Variants in FAM13A observed in about 807,000 individuals in gnomAD.
FAM13A encodes the protein protein FAM13A.
In FAM13A, 76 loss-of-function variants were observed where a neutral mutation model predicts 129.6. That is an observed-to-expected ratio of 0.59 (90% CI 0.49 to 0.71). The LOEUF (loss-of-function observed/expected upper bound fraction) is 0.71, where lower values mean the gene tolerates loss of function less well. Ranked by LOEUF, FAM13A falls within the 30% of genes least tolerant of loss-of-function variation. The pLI is 0.00. For synonymous variants in FAM13A, 443 were observed against 449.9 expected (o/e 0.98, Z 0.20); for missense variants, 1,108 against 1,249.3 (o/e 0.89, Z 1.70).
intron 6 of FAM13A, among the ~76,000 whole-genome samples, chr4:88,906,037 C>T (rs2150230918): frequency 6.6e-6 from 1 of 152,284 alleles, no homozygotes; most frequent in East Asian, 1.9e-4. Flanking sequence ...CCTGTAATCC[C>T]AGCACTTTGG....
At chr4:89,027,614 C>T (rs1339740685) in intron 2 of FAM13A, among the ~76,000 whole-genome samples, 1 of 151,564 alleles carries the variant, frequency 6.6e-6, no homozygotes, top group Non-Finnish European at 1.5e-5. Flanking sequence ...TTTATTAAGT[C>T]GAGAACTCAC....
At chr4:88,788,259 GA>G (rs1393209271) in intron 9 of FAM13A, among the ~76,000 whole-genome samples, 1 of 152,142 alleles carries the variant, frequency 6.6e-6, no homozygotes, top group East Asian at 1.9e-4. Flanking sequence ...AATGAGGAAA[GA>G]TTTTTTTTGC....
chr4:88,790,590 C>T lies in FAM13A; in HGVS notation c.1087G>A (p.Gly363Arg), dbSNP rs1173445609. The change falls in exon 9 of 24, where the codon GGA becomes AGA. Residue 363 changes from glycine (G) to arginine (R), a missense_variant. By Grantham distance (125) the Gly-to-Arg change is moderately radical (BLOSUM62 -2). Coordinates refer to ENST00000264344, the MANE Select transcript of FAM13A (RefSeq NM_014883.4). ...VPQVSNVSATGELLERTIRSA... is the reference protein window; with the variant it reads ...VPQVSNVSATRELLERTIRSA... The stretch of plus-strand genomic sequence containing the variant: ...AACCCAACCCAAATAACTTACTCTC[C>T]GGTTGCAGACACATTGCTGACTTGG... The T allele has an allele frequency of 7.5e-6, 12 of 1,607,714 alleles. No individual in the cohort carries two copies. Among genetic ancestry groups the T allele is most frequent in the Admixed American group, 1.7e-5 (1 of 59,530 alleles).
rs563205615 is a variant in FAM13A, at chr4:88,895,580, A to G, written c.843+10799T>C. ...ACTCAAACAAATTTACAAGAAAAAAACAAACAACCCCATCAAAAAGTGGGC... is the reference window on the plus strand; with the variant it reads ...ACTCAAACAAATTTACAAGAAAAAAGCAAACAACCCCATCAAAAAGTGGGC... On this transcript the variant is annotated intron_variant, in intron 6 of 23. Transcript: ENST00000264344. 1.5e-4 allele frequency among the ~76,000 whole-genome samples: 22 copies of G among 149,788 alleles called. No homozygotes were observed. The East Asian group carries it at 1.7e-3, about 12-fold the overall frequency.
intron 4 of FAM13A, among the ~76,000 whole-genome samples, chr4:88,989,251 A>C (rs1250086357): frequency 2.0e-5 from 3 of 152,048 alleles, no homozygotes; most frequent in Non-Finnish European, 4.4e-5. Context: ...TAAACGACTG[A>C]TCTATTAGGT....
At chr4:88,849,441 A>G (rs1737187042) in intron 7 of FAM13A, among the ~76,000 whole-genome samples, 1 of 152,038 alleles carries the variant, frequency 6.6e-6, no homozygotes, top group African/African-American at 2.4e-5. Flanking sequence ...AGGTTCTCCT[A>G]TTTCGGTTCT....
At chr4:88,849,989 T>G (rs889202670) in intron 7 of FAM13A, among the ~76,000 whole-genome samples, 2 of 152,204 alleles carry the variant, frequency 1.3e-5, no homozygotes, top group African/African-American at 4.8e-5. Context: ...TTTATCATCT[T>G]CGCCATCTAA....
intron 4 of FAM13A, among the ~76,000 whole-genome samples, chr4:88,987,693 T>C (rs893368477): frequency 6.6e-6 from 1 of 151,540 alleles, no homozygotes; most frequent in African/African-American, 2.4e-5. Flanking sequence ...ATACAAAAAA[T>C]TAGCCAGGCG....
At chr4:89,025,306 G>A (rs371460214) in intron 2 of FAM13A, among the ~76,000 whole-genome samples, 2 of 127,362 alleles carry the variant, frequency 1.6e-5, no homozygotes, top group East Asian at 2.4e-4. Flanking sequence ...CGCCCAGGCC[G>A]GACTGCGGAC....
chr4:88,762,702 G>GT (rs1336374005), intron 13 of FAM13A, among the ~76,000 whole-genome samples: 2 of 151,848 alleles, frequency 1.3e-5, no homozygotes, highest in Admixed American at 1.3e-4. Flanking sequence ...CCTAGTCTGG[G>GT]TGAAGCACCT....
At chr4:89,042,853 T>C (rs577340902) in intron 1 of FAM13A, among the ~76,000 whole-genome samples, 89 of 152,352 alleles carry the variant, frequency 5.8e-4, no homozygotes, top group African/African-American at 2.1e-3. Context: ...ACTAATTTAT[T>C]CAAATTAGAC....
At chr4:88,920,379 C>A (rs1202791158) in intron 5 of FAM13A, among the ~76,000 whole-genome samples, 1 of 152,212 alleles carries the variant, frequency 6.6e-6, no homozygotes, top group Non-Finnish European at 1.5e-5. Context: ...CAGACAGCAG[C>A]ATTCGCGGTT....
At chr4:88,823,312 T>C in intron 7 of FAM13A, 5 of 1,149,184 alleles carry the variant, frequency 4.4e-6, no homozygotes, top group Non-Finnish European at 5.4e-6. Flanking sequence ...GCTGCAGCAC[T>C]AAAGGCGCTC....
chr4:88,730,402 GT>G (rs926880823), intron 23 of FAM13A, among the ~76,000 whole-genome samples: 2 of 151,588 alleles, frequency 1.3e-5, no homozygotes, highest in African/African-American at 4.8e-5. Context: ...TCTTTTCTTT[GT>G]TTTTTTTGAG....
At chr4:89,035,836 C>G (rs997509311) in intron 1 of FAM13A, among the ~76,000 whole-genome samples, 4 of 152,198 alleles carry the variant, frequency 2.6e-5, no homozygotes, top group African/African-American at 9.7e-5. Context: ...TGAGGTCTCC[C>G]AAGCCTTGTA....
chr4:88,745,851 A>ATT (rs201087138), intron 19 of FAM13A, among the ~76,000 whole-genome samples: 23 of 142,524 alleles, frequency 1.6e-4, no homozygotes, highest in East Asian at 6.1e-4. Context: ...CAGTGCCAGC[A>ATT]TTTTTTTTTT....
intron 5 of FAM13A, among the ~76,000 whole-genome samples, chr4:88,911,088 C>G (rs1330404242): frequency 2.0e-5 from 3 of 152,238 alleles, no homozygotes; most frequent in Non-Finnish European, 1.5e-5. Flanking sequence ...ACTGAGTAAA[C>G]TGAATGAATA....
At chr4:88,999,138 C>A (rs56058632) in intron 3 of FAM13A, among the ~76,000 whole-genome samples, 247 of 152,184 alleles carry the variant, frequency 1.6e-3, no homozygotes, top group African/African-American at 5.6e-3. Flanking sequence ...AGAGCAAAGG[C>A]CTGCAGGAAG....
intron 6 of FAM13A, among the ~76,000 whole-genome samples, chr4:88,867,678 T>A (rs1446524755): frequency 6.6e-6 from 1 of 152,164 alleles, no homozygotes; most frequent in East Asian, 1.9e-4. Context: ...TCAACATAGA[T>A]CTATCTTAAA....
Sources: allele counts gnomAD v4.1 joint callset (sites outside exome capture counted in the v4.1 genomes callset), GRCh38; gene constraint gnomAD v4.1.1; transcripts MANE v1.5; gene names NCBI Gene and HGNC (gene_info 2026-07-23, HGNC 2026-07-21).